HERC6: variants seen among roughly 807,000 people sequenced by gnomAD.
The protein encoded by HERC6 is HECT and RLD domain containing E3 ubiquitin protein ligase family member 6, also known as probable E3 ubiquitin-protein ligase HERC6.
HERC6 carries 101 observed loss-of-function variants against 114.5 expected under a neutral mutation model. The ratio of observed to expected loss-of-function variants is 0.88; its 90% CI spans 0.75 to 1.04. The LOEUF is 1.04. HERC6 is among the 50% of genes least tolerant of loss of function. The pLI is 0.00. For synonymous variants in HERC6, 408 were observed against 436.2 expected (o/e 0.94, Z 0.81); for missense variants, 1,133 against 1,230.9 (o/e 0.92, Z 1.19).
rs1560544726 is a variant in HERC6 at position 88,404,961 on chromosome 4, T to C, written c.1178T>C (p.Val393Ala). 2 of 1,613,744 alleles carry C rather than the reference T, an allele frequency of 1.2e-6. No individual in the cohort carries two copies. The highest frequency in any genetic ancestry group is 1.7e-4 in the Middle Eastern group (1 of 6,058). The change falls in exon 9 of 23, where the codon GTG becomes GCG. Residue 393 changes from valine to alanine, a missense_variant. Coordinates refer to ENST00000264346, the MANE Select transcript of HERC6 (RefSeq NM_017912.4). ...SQSMAEKWIA[V>A]KRRSTEHEMA... is the part of the protein sequence containing the mutation. ...TCCATGGCAGAAAAATGGATAGCAG[T>C]GAAAAGAAGAAGTACTGAACATGAA...
chr4:88,406,227 T>C (rs1183970731), intron 10 of HERC6, among the ~76,000 whole-genome samples: 1 of 152,258 alleles, frequency 6.6e-6, no homozygotes, highest in Non-Finnish European at 1.5e-5. Flanking sequence ...TGGAGGTTGA[T>C]GCCTTGCTGA....
chr4:88,400,402 G>T (rs1439069644), intron 8 of HERC6, among the ~76,000 whole-genome samples: 1 of 152,196 alleles, frequency 6.6e-6, no homozygotes, highest in East Asian at 1.9e-4. Flanking sequence ...TCGCCATGTT[G>T]CTCAGGCTGG....
chr4:88,416,734 G>T (rs1254888343), intron 12 of HERC6, among the ~76,000 whole-genome samples: 1 of 151,862 alleles, frequency 6.6e-6, no homozygotes, highest in Non-Finnish European at 1.5e-5. Flanking sequence ...CCACTAATAT[G>T]CAATGCCGCA....
In HERC6 at chr4:88,440,058, G is replaced by C; in HGVS notation, c.2739+1G>C. 1 of 1,610,042 alleles carries C rather than the reference G, an allele frequency of 6.2e-7. No homozygotes were observed. Among genetic ancestry groups the C allele is most frequent in the Non-Finnish European group, 8.5e-7 (1 of 1,178,550 alleles). On this transcript the variant is annotated splice_donor_variant, in intron 21 of 22. Coordinates refer to ENST00000264346, the MANE Select transcript of HERC6 (RefSeq NM_017912.4). LOFTEE classifies it high-confidence loss of function. Reference sequence around the variant, plus strand: ...TTATGACTGGAAACAGTTTGAACAGGTAGGTGATACCTAAAGTGCCCCAAT... The same window carrying C: ...TTATGACTGGAAACAGTTTGAACAGCTAGGTGATACCTAAAGTGCCCCAAT...
At chr4:88,425,781 C>G (rs1415441102) in intron 15 of HERC6, among the ~76,000 whole-genome samples, 2 of 148,628 alleles carry the variant, frequency 1.3e-5, no homozygotes, top group Non-Finnish European at 3.0e-5. Context: ...TATGCTAAAA[C>G]AAATTTTCCA....
Position 88,408,516 on chromosome 4 carries a change from A to G in HERC6, c.1275-8A>G, listed in dbSNP as rs753698669. 4 of 1,560,310 alleles carry G rather than the reference A, an allele frequency of 2.6e-6. No individual in the cohort carries two copies. The highest frequency in any genetic ancestry group is 3.5e-6 in the Non-Finnish European group (4 of 1,139,802). Reference sequence around the variant, plus strand: ...TTATGTGGTTTCTTGCATTTCTTGTATCCAAAGAGGAACTGGAGAAACGAC... The same window carrying G: ...TTATGTGGTTTCTTGCATTTCTTGTGTCCAAAGAGGAACTGGAGAAACGAC... On this transcript the variant is annotated splice_polypyrimidine_tract_variant and splice_region_variant and intron_variant, in intron 10 of 22. Coordinates refer to ENST00000264346, the MANE Select transcript of HERC6 (RefSeq NM_017912.4).
At chr4:88,382,308 G>A (rs369906839) in intron 1 of HERC6, among the ~76,000 whole-genome samples, 2 of 152,062 alleles carry the variant, frequency 1.3e-5, no homozygotes, top group Non-Finnish European at 2.9e-5. Context: ...AATGTGATCC[G>A]GTTTTCATTT....
chr4:88,425,155 T>C (rs1737472386), intron 15 of HERC6, among the ~76,000 whole-genome samples: 1 of 152,208 alleles, frequency 6.6e-6, no homozygotes, highest in Non-Finnish European at 1.5e-5. Flanking sequence ...TCCTCCAAAA[T>C]GGTTAAAGAC....
At chr4:88,388,660 A>G (rs1734728912) in intron 3 of HERC6, among the ~76,000 whole-genome samples, 1 of 152,116 alleles carries the variant, frequency 6.6e-6, no homozygotes, top group Admixed American at 6.5e-5. Flanking sequence ...AATGGGGTAG[A>G]GAAGCTTATA....
At chr4:88,394,701 C>T (rs548507203) in intron 5 of HERC6, among the ~76,000 whole-genome samples, 62 of 151,342 alleles carry the variant, frequency 4.1e-4, no homozygotes, top group Non-Finnish European at 7.5e-4. Flanking sequence ...TGTGCCACCA[C>T]GCCTGGCTAA....
At chr4:88,381,376 G>T (rs993300640) in intron 1 of HERC6, among the ~76,000 whole-genome samples, 1 of 152,064 alleles carries the variant, frequency 6.6e-6, no homozygotes, top group Non-Finnish European at 1.5e-5. Context: ...CGACTTAGGA[G>T]CTTGTGTACC....
At chr4:88,398,274 G>A in intron 8 of HERC6, 65 bp downstream of exon 8, 2 of 938,196 alleles carry the variant, frequency 2.1e-6, no homozygotes, top group African/African-American at 1.7e-5. Context: ...ACCGGTATTT[G>A]AAATACTGTA....
At chr4:88,435,150 G>T (rs1450617692) in intron 17 of HERC6, among the ~76,000 whole-genome samples, 2 of 152,040 alleles carry the variant, frequency 1.3e-5, no homozygotes, top group African/African-American at 4.8e-5. Flanking sequence ...TCTCACCAAG[G>T]ACTACAAGTG....
intron 8 of HERC6, chr4:88,398,441 ATGGGTAAG>A (rs1735364204): frequency 2.7e-6 from 1 of 370,894 alleles, no homozygotes; most frequent in Admixed American, 4.6e-5. Flanking sequence ...TTTTTTCTTT[ATGGGTAAG>A]TGTGTTTGTT....
At chr4:88,390,999 A>G in intron 4 of HERC6, 120 bp downstream of exon 4, 1 of 762,164 alleles carries the variant, frequency 1.3e-6, no homozygotes, top group South Asian at 1.8e-5. Context: ...ACACATTCGA[A>G]TAGCCTAGGG....
intron 4 of HERC6, 114 bp downstream of exon 4, chr4:88,390,993 A>G (rs1229896490): frequency 1.1e-5 from 9 of 791,930 alleles, no homozygotes; most frequent in Admixed American, 1.1e-4. Context: ...CTTGTGACAC[A>G]TTCGAATAGC....
chr4:88,385,496 T>C lies in HERC6; in HGVS notation c.360-3T>C. 3.0e-6 allele frequency: 4 copies of C among 1,347,188 alleles called. No homozygotes were observed. The highest frequency in any genetic ancestry group is 1.3e-5 in the South Asian group (1 of 74,938). The allele number at this position is 1,347,188 out of a possible 1,614,324, so 83.5% of individuals were successfully genotyped here. Reference sequence around the variant, plus strand: ...AATCAATTTTGTATTATTTGTATTATAGGAAAATAATGACTCTGAATGATA... The same window carrying C: ...AATCAATTTTGTATTATTTGTATTACAGGAAAATAATGACTCTGAATGATA... On this transcript the variant is annotated splice_region_variant and splice_polypyrimidine_tract_variant and intron_variant, in intron 2 of 22. Coordinates refer to ENST00000264346, the MANE Select transcript of HERC6 (RefSeq NM_017912.4).
intron 8 of HERC6, among the ~76,000 whole-genome samples, chr4:88,404,527 A>G (rs889062801): frequency 6.6e-6 from 1 of 152,164 alleles, no homozygotes; most frequent in South Asian, 2.1e-4. Context: ...ATTTCATTTT[A>G]TGTATATTTA....
chr4:88,383,953 G>T (rs1008967548), intron 2 of HERC6, among the ~76,000 whole-genome samples: 1 of 151,918 alleles, frequency 6.6e-6, no homozygotes, highest in African/African-American at 2.4e-5. Flanking sequence ...AACTGTGGGG[G>T]CCAACTTAGA....
Sources: gnomAD v4.1 joint callset for allele counts (sites outside exome capture counted in the v4.1 genomes callset) on GRCh38, gnomAD v4.1.1 for gene constraint, MANE v1.5 for transcripts, NCBI Gene and HGNC (gene_info 2026-07-23, HGNC 2026-07-21) for gene names.